Variants in ASTN2 observed in about 807,000 individuals in gnomAD.
ASTN2 encodes astrotactin 2, also known as astrotactin-2.
In ASTN2, 54 loss-of-function variants were observed where a neutral mutation model predicts 139.8. That is an observed-to-expected ratio of 0.39 (90% CI 0.31 to 0.48). The LOEUF (loss-of-function observed/expected upper bound fraction) is 0.48. Ranked by LOEUF, ASTN2 falls within the 20% of genes least tolerant of loss-of-function variation. ASTN2 has a pLI of 0.95. For synonymous variants in ASTN2, 756 were observed against 719.5 expected (o/e 1.05, Z -0.81); for missense variants, 1,565 against 1,725.1 (o/e 0.91, Z 1.64).
chr9:117,254,917 A>G (rs535572361), intron 2 of ASTN2, among the ~76,000 whole-genome samples: 57 of 152,308 alleles, frequency 3.7e-4, no homozygotes, highest in African/African-American at 1.3e-3. Flanking sequence ...GAGCCAGTAA[A>G]TATTTCAGGA....
chr9:116,521,857 A>T (rs990763284), intron 19 of ASTN2, among the ~76,000 whole-genome samples: 8 of 152,124 alleles, frequency 5.3e-5, no homozygotes, highest in Non-Finnish European at 1.2e-4. Context: ...GGTTAAGGAC[A>T]TGAGTAGACA....
intron 1 of ASTN2, among the ~76,000 whole-genome samples, chr9:117,332,833 AAT>A (rs1191276760): frequency 6.6e-6 from 1 of 152,202 alleles, no homozygotes; most frequent in Non-Finnish European, 1.5e-5. Flanking sequence ...AAAGCTATGA[AAT>A]ACAGATGCAT....
chr9:116,892,168 A>G (rs1458729795), intron 10 of ASTN2, among the ~76,000 whole-genome samples: 1 of 152,218 alleles, frequency 6.6e-6, no homozygotes, highest in African/African-American at 2.4e-5. Flanking sequence ...AATATTTAAA[A>G]TCACTTATTT....
chr9:117,093,694 G>A (rs549864495), intron 5 of ASTN2, among the ~76,000 whole-genome samples: 9 of 152,258 alleles, frequency 5.9e-5, no homozygotes, highest in African/African-American at 2.2e-4. Context: ...CTGAGACATT[G>A]GGTTCTAAGT....
rs774741730 is a variant in ASTN2, at chr9:116,805,673, G to T, written c.2355C>A (p.Thr785=). ...GEMLHGYNNR[T]QHVNQGQVFQ... is the part of the protein sequence containing the mutation. ...AGACTTGGCCTTGGTTCACATGCTG[G>T]GTCCGGTTGTTGTAACCATGTAGCA... is the stretch of plus-strand genomic sequence containing the variant. The change falls in exon 13 of 23, where the codon ACC becomes ACA. Residue 785 remains threonine (T), a synonymous_variant. Transcript: ENST00000313400. 2 of 1,613,898 alleles carry T rather than the reference G, an allele frequency of 1.2e-6. No homozygotes were observed. Among genetic ancestry groups the T allele is most frequent in the Admixed American group, 3.3e-5 (2 of 60,014 alleles).
chr9:116,698,754 G>A lies in ASTN2; in HGVS notation c.2806+27017C>T, dbSNP rs141806013. On this transcript the variant is annotated intron_variant, in intron 16 of 22. Transcript: ENST00000313400. The surrounding 1 kb of genome is among the most constrained non-coding windows in gnomAD (Gnocchi z 4.4). The stretch of plus-strand genomic sequence containing the variant: ...GGAGGAAGTGGTTGCCAGCCCTAGG[G>A]CCTCACCTGCTAAACAGCGGGGTCC... 176 of 1,614,156 alleles carry A rather than the reference G, an allele frequency of 1.1e-4. No individual in the cohort carries two copies. Among genetic ancestry groups the A allele is most frequent in the Non-Finnish European group, 1.4e-4 (166 of 1,180,028 alleles).
chr9:116,611,506 C>G (rs1588080039), intron 19 of ASTN2: 1 of 151,992 alleles, frequency 6.6e-6, no homozygotes, highest in African/African-American at 2.4e-5. Flanking sequence ...TCATAGCTAT[C>G]TAGCCAAACT....
chr9:116,724,873 A>G (rs1335787025), intron 16 of ASTN2, among the ~76,000 whole-genome samples: 1 of 152,194 alleles, frequency 6.6e-6, no homozygotes, highest in East Asian at 1.9e-4. Context: ...GGGAAAGAAC[A>G]TGGGCTTTTG....
chr9:116,611,202 CA>C (rs1290933352), intron 19 of ASTN2: 1 of 151,970 alleles, frequency 6.6e-6, no homozygotes, highest in East Asian at 1.9e-4. Context: ...AAGAAGAAAA[CA>C]AAAGTGAAAT....
At chr9:117,014,534 ATCT>A (rs1470809534) in intron 6 of ASTN2, among the ~76,000 whole-genome samples, 2 of 152,026 alleles carry the variant, frequency 1.3e-5, no homozygotes, top group African/African-American at 4.8e-5. Flanking sequence ...TTCCTCTGTC[ATCT>A]TCTTTCCTTT....
intron 19 of ASTN2, among the ~76,000 whole-genome samples, chr9:116,528,864 C>A (rs186923850): frequency 1.6e-3 from 248 of 152,290 alleles, no homozygotes; most frequent in Middle Eastern, 3.4e-3. Flanking sequence ...GATGTTGGGC[C>A]TGTGGATGTG....
At chr9:117,192,579 C>T (rs923899578) in intron 3 of ASTN2, among the ~76,000 whole-genome samples, 1 of 152,168 alleles carries the variant, frequency 6.6e-6, no homozygotes, top group Non-Finnish European at 1.5e-5. Context: ...TCTGATCTCT[C>T]CCCATGCTAT....
At chr9:116,748,443 C>T (rs1471912601) in intron 13 of ASTN2, among the ~76,000 whole-genome samples, 1 of 152,216 alleles carries the variant, frequency 6.6e-6, no homozygotes, top group Non-Finnish European at 1.5e-5. Context: ...CTTACTTTAT[C>T]ACAGCCAAGG....
chr9:116,616,982 T>C (rs1348636282), intron 19 of ASTN2, among the ~76,000 whole-genome samples: 1 of 152,160 alleles, frequency 6.6e-6, no homozygotes, highest in Non-Finnish European at 1.5e-5. Flanking sequence ...TTAACAAAGT[T>C]TGAAAGATGA....
At position 116,975,398 on chromosome 9, in the gene ASTN2, A is replaced by G. The variant is rs1588452603; in HGVS notation, c.1752-53T>C. The G allele has an allele frequency of 2.0e-6, 3 of 1,516,860 alleles. No homozygotes were observed. The African/African-American group carries it at 4.2e-5, about 21-fold the overall frequency. 94.0% of individuals were successfully genotyped at this position (1,516,860 alleles called of 1,614,324 possible). On this transcript the variant is annotated intron_variant, in intron 9 of 22. Coordinates refer to ENST00000313400, the MANE Select transcript of ASTN2 (RefSeq NM_001365068.1). ...ACTCCCTGGGAAGCAGAGAGCAAAC[A>G]GAAAAAAGGGGCCCCTGTTCCCATC...
intron 19 of ASTN2, among the ~76,000 whole-genome samples, chr9:116,570,535 A>G: frequency 6.6e-6 from 1 of 152,082 alleles, no homozygotes; most frequent in East Asian, 1.9e-4. Context: ...AGCTGGGACT[A>G]CCGGCGCCCG....
intron 12 of ASTN2, among the ~76,000 whole-genome samples, chr9:116,820,144 A>G (rs142934878): frequency 6.6e-6 from 1 of 152,338 alleles, no homozygotes; most frequent in East Asian, 1.9e-4. Flanking sequence ...TACGGACATT[A>G]GGACACAGAA....
At chr9:117,247,749 A>G (rs1469521262) in intron 2 of ASTN2, among the ~76,000 whole-genome samples, 1 of 152,200 alleles carries the variant, frequency 6.6e-6, no homozygotes, top group Non-Finnish European at 1.5e-5. Flanking sequence ...AAGAAACAAA[A>G]TGCTTCATTT....
At chr9:117,399,227 T>G (rs1830758087) in intron 1 of ASTN2, among the ~76,000 whole-genome samples, 1 of 152,176 alleles carries the variant, frequency 6.6e-6, no homozygotes. Flanking sequence ...AATATTTCTA[T>G]GAAAATACTG....
Sources: allele counts gnomAD v4.1 joint callset (sites outside exome capture counted in the v4.1 genomes callset), GRCh38; gene constraint gnomAD v4.1.1; non-coding constraint Gnocchi (gnomAD v3.1); transcripts MANE v1.5; gene names NCBI Gene and HGNC (gene_info 2026-07-23, HGNC 2026-07-21).